Variants in ETFA observed in about 807,000 individuals in gnomAD.
ETFA encodes electron transfer flavoprotein subunit alpha, mitochondrial.
In ETFA, 22 loss-of-function variants were observed where a neutral mutation model predicts 46.2. That is an observed-to-expected ratio of 0.48 (90% CI 0.34 to 0.68). ETFA has a LOEUF of 0.68. Ranked by LOEUF, ETFA falls within the 30% of genes least tolerant of loss-of-function variation. ETFA has a pLI of 0.01. For missense variants in ETFA, 345 were observed against 401.1 expected, an observed-to-expected ratio of 0.86 and a Z score of 1.19; for synonymous variants, 131 against 139.9, an observed-to-expected ratio of 0.94 and a Z score of 0.45.
At chr15:76,230,217 A>C (rs1298867292) in intron 10 of ETFA, 14 of 25,010 alleles carry the variant, frequency 5.6e-4, no homozygotes, top group Admixed American at 8.0e-4. Flanking sequence ...TACTTATTGC[A>C]CTTTTTTTTT....
chr15:76,280,650 C>T (rs915942157), intron 8 of ETFA, among the ~76,000 whole-genome samples: 11 of 152,302 alleles, frequency 7.2e-5, no homozygotes, highest in African/African-American at 2.4e-4. Context: ...TTCCCCATTT[C>T]ATTCAGAGAA....
At position 76,262,474 on chromosome 15, in the gene ETFA, C is replaced by CTTTTT. The variant is rs60480510; in HGVS notation, c.816+11933_816+11937dup. Among the ~76,000 whole-genome samples the CTTTTT allele has an allele frequency of 1.7e-3, 148 of 84,730 alleles. 19 individuals are homozygous for CTTTTT. Among genetic ancestry groups the CTTTTT allele is most frequent in the Non-Finnish European group, 2.6e-3 (120 of 46,416 alleles). 55.6% of individuals were successfully genotyped at this position (84,730 alleles called of 152,430 possible). On this transcript the variant is annotated intron_variant, in intron 9 of 11. Coordinates refer to ENST00000557943, the MANE Select transcript of ETFA (RefSeq NM_000126.4). Reference sequence around the variant, plus strand: ...CCTAGGTATACCATAATCAAACCCCCTTTTTTTTTTTTTTTTTTTTTTTTT... The same window carrying CTTTTT: ...CCTAGGTATACCATAATCAAACCCCCTTTTTTTTTTTTTTTTTTTTTTTTTTTTTT...
intron 8 of ETFA, among the ~76,000 whole-genome samples, chr15:76,278,115 T>G (rs1294340061): frequency 6.6e-6 from 1 of 152,172 alleles, no homozygotes; most frequent in Non-Finnish European, 1.5e-5. Context: ...TACACTAGTC[T>G]TATCTTAATT....
intron 4 of ETFA, among the ~76,000 whole-genome samples, chr15:76,291,263 C>A (rs1301251952): frequency 6.6e-6 from 1 of 151,674 alleles, no homozygotes; most frequent in Non-Finnish European, 1.5e-5. Flanking sequence ...GTCAACACGG[C>A]GAAACCCTGT....
At chr15:76,223,967 A>C (rs927809798) in intron 11 of ETFA, among the ~76,000 whole-genome samples, 9 of 152,258 alleles carry the variant, frequency 5.9e-5, no homozygotes, top group Non-Finnish European at 1.3e-4. Context: ...TACATAGTAC[A>C]CAGGCAGACA....
chr15:76,248,151 T>A (rs974068225), intron 9 of ETFA, among the ~76,000 whole-genome samples: 1 of 152,204 alleles, frequency 6.6e-6, no homozygotes, highest in African/African-American at 2.4e-5. Flanking sequence ...ACCAGATAAC[T>A]TTATTATAAA....
At chr15:76,287,967 A>G (rs370851084) in intron 4 of ETFA, 22 bp from the exon 5 acceptor site, 17 of 1,446,696 alleles carry the variant, frequency 1.2e-5, no homozygotes, top group Non-Finnish European at 1.6e-5. Context: ...ATAAGCAGTG[A>G]GTTAACACAC....
chr15:76,268,317 G>C (rs1348055798), intron 9 of ETFA, among the ~76,000 whole-genome samples: 2 of 152,102 alleles, frequency 1.3e-5, no homozygotes, highest in Non-Finnish European at 2.9e-5. Context: ...TATGACCATG[G>C]AGCGGGAGAC....
At chr15:76,267,948 T>C (rs2039488422) in intron 9 of ETFA, among the ~76,000 whole-genome samples, 1 of 151,970 alleles carries the variant, frequency 6.6e-6, no homozygotes, top group Admixed American at 6.5e-5. Context: ...TGAAGATCTA[T>C]CATGAGCCAC....
At position 76,292,456 on chromosome 15, in the gene ETFA, CAGATGTGTGTGTAATTGAACTGCTTCTG is replaced by C. The variant is rs762158164; in HGVS notation, c.298_325del (p.Gln100ValfsTer15). The C allele has an allele frequency of 5.6e-6, 9 of 1,613,702 alleles. No homozygotes were observed. Among genetic ancestry groups the C allele is most frequent in the Non-Finnish European group, 5.9e-6 (7 of 1,179,586 alleles). On this transcript the variant is annotated frameshift_variant, in exon 4 of 12. Transcript: ENST00000557943. LOFTEE classifies it high-confidence loss of function. ...CTTTCCGAAGGCAGATGCTCCAGCA[CAGATGTGTGTGTAATTGAACTGCTTCTG>C]AGTTGCCAAAATCAATGGTGTCAGT...
chr15:76,310,325 A>G (rs2039982312), intron 1 of ETFA, among the ~76,000 whole-genome samples: 1 of 147,912 alleles, frequency 6.8e-6, no homozygotes, highest in African/African-American at 2.5e-5. Flanking sequence ...GCTATGCCTC[A>G]GAGAGAAAAA....
intron 11 of ETFA, among the ~76,000 whole-genome samples, chr15:76,222,663 A>G (rs1257215103): frequency 6.6e-6 from 1 of 152,118 alleles, no homozygotes; most frequent in East Asian, 1.9e-4. Flanking sequence ...GGGGAACAGA[A>G]GCAGGACCCT....
chr15:76,252,244 C>A (rs1255910299), intron 9 of ETFA, among the ~76,000 whole-genome samples: 1 of 152,168 alleles, frequency 6.6e-6, no homozygotes, highest in African/African-American at 2.4e-5. Flanking sequence ...CTACGGCTCA[C>A]TGCACCCTTG....
intron 9 of ETFA, chr15:76,274,153 T>C (rs1035726886): frequency 8.8e-6 from 4 of 452,720 alleles, no homozygotes; most frequent in South Asian, 8.3e-5. Context: ...AATGTTTTAT[T>C]TGATGTAATA....
intron 11 of ETFA, among the ~76,000 whole-genome samples, chr15:76,224,212 C>T (rs1288105252): frequency 6.6e-6 from 1 of 152,122 alleles, no homozygotes; most frequent in African/African-American, 2.4e-5. Flanking sequence ...TTCATACCAG[C>T]CCCCCTTCCC....
At chr15:76,271,684 T>C (rs1037542988) in intron 9 of ETFA, among the ~76,000 whole-genome samples, 13 of 152,130 alleles carry the variant, frequency 8.5e-5, no homozygotes, top group African/African-American at 3.1e-4. Flanking sequence ...ATTTAAAAAG[T>C]TGTATTGTAG....
intron 8 of ETFA, among the ~76,000 whole-genome samples, chr15:76,281,120 G>A (rs1238196996): frequency 2.6e-5 from 4 of 151,824 alleles, no homozygotes; most frequent in East Asian, 1.9e-4. Context: ...TCACCATGTC[G>A]GCCAGGCTGG....
intron 1 of ETFA, among the ~76,000 whole-genome samples, chr15:76,302,552 G>T (rs1206238092): frequency 6.7e-6 from 1 of 149,526 alleles, no homozygotes; most frequent in African/African-American, 2.5e-5. Context: ...CAGGGGGAGT[G>T]GGGGCGGGGG....
At chr15:76,299,812 G>T (rs571780986) in intron 1 of ETFA, among the ~76,000 whole-genome samples, 11 of 152,224 alleles carry the variant, frequency 7.2e-5, no homozygotes, top group African/African-American at 2.4e-4. Context: ...CTGGGATCTA[G>T]ATTCCATTCT....
Sources: gnomAD v4.1 joint callset for allele counts (sites outside exome capture counted in the v4.1 genomes callset) on GRCh38, gnomAD v4.1.1 for gene constraint, MANE v1.5 for transcripts, NCBI Gene and HGNC (gene_info 2026-07-23, HGNC 2026-07-21) for gene names.